The following AKAP13 variants were observed in gnomAD, a reference collection of about 807,000 sequenced individuals.
AKAP13 encodes A-kinase anchor protein 13.
A neutral mutation model predicts 264.5 loss-of-function variants in AKAP13; 80 were observed. That is an observed-to-expected ratio of 0.30 (90% CI 0.25 to 0.36). AKAP13 has a LOEUF of 0.36. AKAP13 is among the 10% of genes least tolerant of loss of function. The pLI is 1.00. For missense variants in AKAP13, 3,712 were observed against 3,435.2 expected, an observed-to-expected ratio of 1.08 and a Z score of -2.01; for synonymous variants, 1,380 against 1,250.2, an observed-to-expected ratio of 1.10 and a Z score of -2.19.
At chr15:85,719,357 A>T in intron 23 of AKAP13, 31 bp downstream of exon 23, 7 of 1,609,230 alleles carry the variant, frequency 4.3e-6, no homozygotes, top group Non-Finnish European at 5.9e-6. Flanking sequence ...AGGTTCTTAC[A>T]TACACTGGGA....
chr15:85,403,604 G>A (rs2150846432), intron 1 of AKAP13, among the ~76,000 whole-genome samples: 1 of 152,288 alleles, frequency 6.6e-6, no homozygotes, highest in Non-Finnish European at 1.5e-5. Flanking sequence ...CCTTTGGGAA[G>A]CTGAGGTGGG....
chr15:85,497,197 A>G (rs2075894993), intron 2 of AKAP13, among the ~76,000 whole-genome samples: 2 of 152,222 alleles, frequency 1.3e-5, no homozygotes, highest in South Asian at 4.1e-4. Context: ...CCTTTAATTC[A>G]TTTAAAACAA....
intron 9 of AKAP13, among the ~76,000 whole-genome samples, chr15:85,644,971 T>C (rs1567172349): frequency 1.3e-5 from 2 of 152,266 alleles, no homozygotes; most frequent in South Asian, 2.1e-4. Flanking sequence ...TTACAAAAAA[T>C]AAACTGGACT....
chr15:85,693,592 A>G, intron 17 of AKAP13, 141 bp downstream of exon 17: 1 of 1,394,918 alleles, frequency 7.2e-7, no homozygotes. Context: ...TTTAGACATG[A>G]TAAAAGAAAG....
chr15:85,688,932 TAC>T (rs2085100054), intron 16 of AKAP13, among the ~76,000 whole-genome samples: 1 of 152,236 alleles, frequency 6.6e-6, no homozygotes, highest in South Asian at 2.1e-4. Context: ...TTTTGCGTGT[TAC>T]AGAGTATTTA....
At chr15:85,495,813 A>G (rs1017962241) in intron 2 of AKAP13, among the ~76,000 whole-genome samples, 3 of 152,188 alleles carry the variant, frequency 2.0e-5, no homozygotes, top group African/African-American at 7.2e-5. Flanking sequence ...TCTCAGTACC[A>G]AATGTTTTTG....
At chr15:85,595,161 G>A (rs370184632) in intron 8 of AKAP13, among the ~76,000 whole-genome samples, 9 of 151,968 alleles carry the variant, frequency 5.9e-5, no homozygotes, top group Admixed American at 2.0e-4. Flanking sequence ...GTGCAGTGGC[G>A]TGATCATAGC....
At chr15:85,646,871 G>A (rs1490529890) in intron 10 of AKAP13, among the ~76,000 whole-genome samples, 1 of 152,168 alleles carries the variant, frequency 6.6e-6, no homozygotes, top group Non-Finnish European at 1.5e-5. Flanking sequence ...AGCAAGTTCT[G>A]TTTTGCTCAC....
chr15:85,610,408 A>T (rs929079121), intron 8 of AKAP13, among the ~76,000 whole-genome samples: 4 of 152,210 alleles, frequency 2.6e-5, no homozygotes, highest in Non-Finnish European at 4.4e-5. Context: ...CAGTACGTGT[A>T]TTCAAGTGTT....
chr15:85,426,386 G>T (rs1334713202), intron 1 of AKAP13, among the ~76,000 whole-genome samples: 1 of 152,146 alleles, frequency 6.6e-6, no homozygotes, highest in East Asian at 1.9e-4. Flanking sequence ...TTACTGTCTA[G>T]GATCATCTAA....
chr15:85,606,501 A>T (rs1398541505), intron 8 of AKAP13, among the ~76,000 whole-genome samples: 1 of 152,216 alleles, frequency 6.6e-6, no homozygotes, highest in African/African-American at 2.4e-5. Flanking sequence ...AATGCTAAGA[A>T]ATCCAAAGAA....
rs746861655 is a variant in AKAP13 at position 85,748,269 on chromosome 15, G to C, written c.*3592G>C. The C allele has an allele frequency of 6.6e-6, 1 of 152,214 alleles. No homozygotes were observed. The highest frequency in any genetic ancestry group is 6.5e-5 in the Admixed American group (1 of 15,284). The allele number at this position is 152,214 out of a possible 1,614,324, so 9.4% of individuals were successfully genotyped here. ...CAGTCCTGGTGAATGGGCTTCAAGT[G>C]GTCACAAAGAGGGTGGCTGTGAGGT... On this transcript the variant is annotated 3_prime_UTR_variant, in exon 37 of 37. Transcript: ENST00000394518.
intron 1 of AKAP13, among the ~76,000 whole-genome samples, chr15:85,434,303 C>A (rs1223936403): frequency 2.6e-5 from 4 of 152,224 alleles, no homozygotes; most frequent in Non-Finnish European, 5.9e-5. Flanking sequence ...TATCCCACAC[C>A]TGGCTCGGAG....
At chr15:85,526,585 T>C (rs1190911164) in intron 3 of AKAP13, among the ~76,000 whole-genome samples, 1 of 152,168 alleles carries the variant, frequency 6.6e-6, no homozygotes, top group Non-Finnish European at 1.5e-5. Context: ...TCATTTCTCG[T>C]CAACCAAGAA....
rs7342593 is a variant in AKAP13 at position 85,470,760 on chromosome 15, C to G, written c.-11-14950C>G. Among the ~76,000 whole-genome samples, 20 of 152,244 alleles carry G rather than the reference C, an allele frequency of 1.3e-4. 1 individual carries two copies. Among genetic ancestry groups the G allele is most frequent in the African/African-American group, 4.8e-4 (20 of 41,544 alleles). ...ACAGACATGCAGTTAGACAAAGGCT[C>G]AGTGCTTTAAGCATTGACAGTGAAG... On this transcript the variant is annotated intron_variant, in intron 1 of 36. Transcript: ENST00000394518.
intron 8 of AKAP13, among the ~76,000 whole-genome samples, chr15:85,608,669 G>C (rs1476323734): frequency 2.6e-5 from 4 of 152,230 alleles, no homozygotes; most frequent in Non-Finnish European, 5.9e-5. Context: ...GGATAGGCGA[G>C]AGAGGGAATT....
Position 85,734,999 on chromosome 15 carries a change from C to A in AKAP13, c.7290C>A (p.Ile2430=). The A allele has an allele frequency of 6.2e-7, 1 of 1,613,256 alleles. No homozygotes were observed. The highest frequency in any genetic ancestry group is 8.5e-7 in the Non-Finnish European group (1 of 1,179,726). ...ATGTTTCCTTTATTCCAGTGGAGAT[C>A]CTTCAGGGTTTGGTGAGTGGAAATC... is the stretch of plus-strand genomic sequence containing the variant. ...LMKSAINEVE[I]LQGLVSGNLG... is the part of the protein sequence containing the mutation. Residue 2430 remains isoleucine (I), a synonymous_variant, in exon 31 of 37, where the codon ATC becomes ATA. Transcript: ENST00000394518.
At chr15:85,415,580 G>C (rs2072202204) in intron 1 of AKAP13, 1 of 1,424,434 alleles carries the variant, frequency 7.0e-7, no homozygotes, top group Non-Finnish European at 9.8e-7. Context: ...AATTAGTGGT[G>C]GACTGTGTCA....
At chr15:85,432,059 T>C (rs766379076) in intron 1 of AKAP13, among the ~76,000 whole-genome samples, 16 of 152,182 alleles carry the variant, frequency 1.1e-4, no homozygotes, top group Non-Finnish European at 1.9e-4. Context: ...TTCTATTTTT[T>C]TGGGTGTTGA....
Sources: gnomAD v4.1 joint callset for allele counts (sites outside exome capture counted in the v4.1 genomes callset) on GRCh38, gnomAD v4.1.1 for gene constraint, MANE v1.5 for transcripts, NCBI Gene and HGNC (gene_info 2026-07-23, HGNC 2026-07-21) for gene names.